The following PLEKHA8 variants were observed in gnomAD, a reference collection of about 807,000 sequenced individuals.
The protein encoded by PLEKHA8 is pleckstrin homology domain containing A8, also known as pleckstrin homology domain-containing family A member 8.
In PLEKHA8, 36 loss-of-function variants were observed where a neutral mutation model predicts 68.2. The ratio of observed to expected loss-of-function variants is 0.53; its 90% CI spans 0.40 to 0.70. The LOEUF is 0.70. Ranked by LOEUF, PLEKHA8 falls within the 30% of genes least tolerant of loss-of-function variation. The pLI is 0.00. For synonymous variants in PLEKHA8, 211 were observed against 216.1 expected (o/e 0.98, Z 0.20); for missense variants, 505 against 615.4 (o/e 0.82, Z 1.90).
chr7:30,123,852 C>T (rs867842494), intron 13 of PLEKHA8, among the ~76,000 whole-genome samples: 1 of 152,196 alleles, frequency 6.6e-6, no homozygotes, highest in Non-Finnish European at 1.5e-5. Context: ...TTACCTGACC[C>T]AGTGCATTTC....
downstream of PLEKHA8, among the ~76,000 whole-genome samples, chr7:30,095,008 C>A (rs1440364727): frequency 3.3e-5 from 5 of 152,240 alleles, no homozygotes; most frequent in East Asian, 3.9e-4. Flanking sequence ...GTCTTTATAG[C>A]AGCATGATTT....
chr7:30,098,639 G>A (rs1795726375), intron 13 of PLEKHA8, among the ~76,000 whole-genome samples: 1 of 152,246 alleles, frequency 6.6e-6, no homozygotes. Context: ...GCCAGGTGCG[G>A]GATATAATCT....
chr7:30,119,147 C>CT (rs1186021927), intron 13 of PLEKHA8, among the ~76,000 whole-genome samples: 1 of 152,174 alleles, frequency 6.6e-6, no homozygotes, highest in Non-Finnish European at 1.5e-5. Flanking sequence ...AAGATGATGA[C>CT]TTCTGAGTCA....
At chr7:30,120,396 C>T (rs1477538896) in intron 13 of PLEKHA8, among the ~76,000 whole-genome samples, 1 of 152,152 alleles carries the variant, frequency 6.6e-6, no homozygotes, top group Non-Finnish European at 1.5e-5. Context: ...TACAGCTCAG[C>T]GTTTGCTTTA....
At position 30,079,101 on chromosome 7, in the gene PLEKHA8, T is replaced by A; in HGVS notation, c.*314T>A. 1.9e-6 allele frequency: 2 copies of A among 1,055,446 alleles called. No individual in the cohort carries two copies. The highest frequency in any genetic ancestry group is 4.4e-4 in the Middle Eastern group (1 of 2,276). The allele number at this position is 1,055,446 out of a possible 1,614,324, so 65.4% of individuals were successfully genotyped here. On this transcript the variant is annotated 3_prime_UTR_variant, in exon 14 of 14. Coordinates refer to ENST00000449726, the MANE Select transcript of PLEKHA8 (RefSeq NM_001197026.2). ...GTTATTGTGTATTGTATTGTTTTTA[T>A]ATTTTAGTCTAATGGGCCACCCAAA... is the stretch of plus-strand genomic sequence containing the variant.
intron 13 of PLEKHA8, among the ~76,000 whole-genome samples, chr7:30,116,251 CACGTATACATGCAT>C (rs2128022150): frequency 7.1e-6 from 1 of 140,286 alleles, no homozygotes; most frequent in South Asian, 2.1e-4. Flanking sequence ...TATACATGTA[CACGTATACATGCAT>C]ACATGTATGT....
intron 9 of PLEKHA8, 79 bp downstream of exon 9, chr7:30,055,421 C>A: frequency 1.6e-6 from 2 of 1,237,926 alleles, no homozygotes; most frequent in Non-Finnish European, 1.2e-6. Flanking sequence ...GAGAAATACC[C>A]CAAACTATGT....
chr7:30,060,971 A>G, intron 10 of PLEKHA8, 29 bp downstream of exon 10: 2 of 1,597,080 alleles, frequency 1.3e-6, no homozygotes, highest in Non-Finnish European at 1.7e-6. Context: ...CTCTGTGGAA[A>G]CTTTTAAATA....
At chr7:30,064,365 A>C (rs956231960) in intron 12 of PLEKHA8, among the ~76,000 whole-genome samples, 7 of 152,164 alleles carry the variant, frequency 4.6e-5, no homozygotes, top group African/African-American at 1.7e-4. Flanking sequence ...CAGCCTATGC[A>C]ACACGGCAAA....
chr7:30,036,154 G>T (rs1329788484), intron 1 of PLEKHA8, among the ~76,000 whole-genome samples: 2 of 152,008 alleles, frequency 1.3e-5, no homozygotes, highest in East Asian at 3.9e-4. Context: ...TACTTGGGAG[G>T]CTGAGGCACC....
chr7:30,096,893 G>T (rs888852467), intron 13 of PLEKHA8, among the ~76,000 whole-genome samples: 2 of 152,130 alleles, frequency 1.3e-5, no homozygotes, highest in Non-Finnish European at 2.9e-5. Flanking sequence ...TATTTTGCTC[G>T]TTAGTTGATG....
downstream of PLEKHA8, among the ~76,000 whole-genome samples, chr7:30,094,767 C>T (rs1320756837): frequency 1.4e-5 from 2 of 147,258 alleles, no homozygotes; most frequent in African/African-American, 2.5e-5. Context: ...TAAGTGAGAA[C>T]ATGAGGTGTT....
At chr7:30,100,507 C>T (rs554264972) in intron 13 of PLEKHA8, among the ~76,000 whole-genome samples, 4 of 152,060 alleles carry the variant, frequency 2.6e-5, no homozygotes, top group Non-Finnish European at 5.9e-5. Flanking sequence ...AGCAAGATCA[C>T]ACCACTGCAC....
intron 9 of PLEKHA8, among the ~76,000 whole-genome samples, chr7:30,058,475 T>TG (rs1562872555): frequency 6.6e-6 from 1 of 150,586 alleles, no homozygotes; most frequent in Non-Finnish European, 1.5e-5. Context: ...GAGGTTCTTT[T>TG]TTTTTTTTTT....
intron 12 of PLEKHA8, among the ~76,000 whole-genome samples, chr7:30,068,277 A>G (rs1794003740): frequency 6.6e-6 from 1 of 152,242 alleles, no homozygotes; most frequent in Admixed American, 6.5e-5. Context: ...ACATAATACA[A>G]TTGGAATGGC....
chr7:30,067,391 G>A (rs1055646550), intron 12 of PLEKHA8, among the ~76,000 whole-genome samples: 5 of 152,230 alleles, frequency 3.3e-5, no homozygotes, highest in Non-Finnish European at 5.9e-5. Context: ...GATCACTTGC[G>A]CCAGGGATGT....
At chr7:30,034,760 C>T (rs1042136630) in intron 1 of PLEKHA8, among the ~76,000 whole-genome samples, 1 of 152,118 alleles carries the variant, frequency 6.6e-6, no homozygotes, top group Non-Finnish European at 1.5e-5. Context: ...AATTCAAACC[C>T]ATGGTATGCA....
chr7:30,057,232 G>C (rs527928319), intron 9 of PLEKHA8, among the ~76,000 whole-genome samples: 2 of 152,026 alleles, frequency 1.3e-5, no homozygotes, highest in East Asian at 3.9e-4. Context: ...ATTGATTTCT[G>C]TCACCATAGG....
downstream of PLEKHA8, chr7:30,129,532 T>A (rs757170042): frequency 1.7e-6 from 1 of 571,668 alleles, no homozygotes; most frequent in Non-Finnish European, 3.1e-6. Context: ...ACCTTAAAAT[T>A]TTCAACATGT....
Sources: allele counts gnomAD v4.1 joint callset (sites outside exome capture counted in the v4.1 genomes callset), GRCh38; gene constraint gnomAD v4.1.1; transcripts MANE v1.5; gene names NCBI Gene and HGNC (gene_info 2026-07-23, HGNC 2026-07-21).